VPS13C: variants seen among roughly 807,000 people sequenced by gnomAD.
VPS13C encodes vacuolar protein sorting 13 homolog C, also known as intermembrane lipid transfer protein VPS13C.
A neutral mutation model predicts 456.8 loss-of-function variants in VPS13C; 358 were observed. The observed-to-expected ratio is 0.78, with a 90% confidence interval of 0.72 to 0.86. The LOEUF (loss-of-function observed/expected upper bound fraction) is 0.86, where lower values mean the gene tolerates loss of function less well. VPS13C is among the 40% of genes least tolerant of loss of function. VPS13C has a pLI of 0.00. For missense variants in VPS13C, 4,818 were observed against 4,385.4 expected (o/e 1.10, Z -2.79); for synonymous variants, 1,578 against 1,486.7 (o/e 1.06, Z -1.41).
chr15:61,974,118 T>G (rs1037672539), intron 25 of VPS13C, among the ~76,000 whole-genome samples, 170 bp downstream of exon 25: 1 of 152,088 alleles, frequency 6.6e-6, no homozygotes, highest in African/African-American at 2.4e-5. Flanking sequence ...TTTTTGTTAG[T>G]TTTTTTCCCC....
In VPS13C at chr15:61,991,059, T is replaced by C; in HGVS notation, c.1519A>G (p.Lys507Glu). The C allele has an allele frequency of 1.9e-6, 3 of 1,612,630 alleles. No homozygotes were observed. Among genetic ancestry groups the C allele is most frequent in the Non-Finnish European group, 2.5e-6 (3 of 1,179,518 alleles). Reference sequence around the variant, plus strand: ...CTATAACCAATGGCAGTGAAGAGTTTATCTTTTTCCTCTGGAGTCATAAGG... The same window carrying C: ...CTATAACCAATGGCAGTGAAGAGTTCATCTTTTTCCTCTGGAGTCATAAGG... The part of the protein sequence containing the change: ...DDLMTPEEKD[K>E]LFTAIGYSES... The change falls in exon 18 of 85, where the codon AAA (lysine) becomes GAA (glutamate). Residue 507 changes from lysine to glutamate, a missense_variant. Physicochemically the swap from Lys to Glu is moderately conservative, Grantham distance 56. Around this residue, in one of 3 missense-constraint regions of VPS13C, gnomAD observed 4,552 missense variants for 4,130.6 expected, o/e 1.10. Transcript: ENST00000644861.
In VPS13C at chr15:61,974,584, A is replaced by G. The variant is rs978141; in HGVS notation, c.2409-167T>C. ...ACATTGTCAGGAAATGGGAAGTTCT[A>G]TGTTAGCTAAGTTTTCAGATAATTT... On this transcript the variant is annotated intron_variant, in intron 24 of 84. Transcript: ENST00000644861. Among the ~76,000 whole-genome samples the G allele has an allele frequency of 0.056, 8,581 of 152,254 alleles. 313 individuals are homozygous for G. Among genetic ancestry groups the G allele is most frequent in the Non-Finnish European group, 0.081 (5,488 of 67,986 alleles).
Position 61,867,321 on chromosome 15 carries a change from C to T in VPS13C, c.10863+1338G>A, listed in dbSNP as rs1894663746. 1.0e-6 allele frequency: 1 copy of T among 984,750 alleles called. No homozygotes were observed. Among genetic ancestry groups the T allele is most frequent in the Non-Finnish European group, 1.2e-6 (1 of 829,610 alleles). The allele number at this position is 984,750 out of a possible 1,614,324, so 61.0% of individuals were successfully genotyped here. ...GGCTATCATTTATTTAGCAACAGTA[C>T]CAAGGGGTTAAATAGGAAAAAGAGG... On this transcript the variant is annotated intron_variant, in intron 81 of 84. Coordinates refer to ENST00000644861, the MANE Select transcript of VPS13C (RefSeq NM_020821.3). This position sits in a 1 kb window ranked among gnomAD's most constrained non-coding sequence, Gnocchi z 5.0.
At chr15:61,968,779 T>C (rs1468156301) in intron 28 of VPS13C, among the ~76,000 whole-genome samples, 1 of 152,180 alleles carries the variant, frequency 6.6e-6, no homozygotes, top group African/African-American at 2.4e-5. Flanking sequence ...CTGGTGTTTC[T>C]TGTGGTATAT....
At chr15:61,921,040 A>G (rs1014151234) in intron 55 of VPS13C, among the ~76,000 whole-genome samples, 1 of 152,058 alleles carries the variant, frequency 6.6e-6, no homozygotes, top group African/African-American at 2.4e-5. Flanking sequence ...CTCTCCTTCT[A>G]TTTTTTAAAC....
chr15:61,940,014 T>C (rs998175778), intron 47 of VPS13C, among the ~76,000 whole-genome samples: 2 of 134,018 alleles, frequency 1.5e-5, no homozygotes, highest in Non-Finnish European at 3.5e-5. Context: ...AAAAAAGTTG[T>C]ATACTTATCA....
At chr15:61,880,805 T>G in intron 72 of VPS13C, 38 bp downstream of exon 72, 1 of 1,564,180 alleles carries the variant, frequency 6.4e-7, no homozygotes, top group Non-Finnish European at 8.6e-7. Flanking sequence ...TTAAATTTTG[T>G]TAATTTTATA....
intron 59 of VPS13C, 25 bp downstream of exon 59, chr15:61,918,111 T>G (rs1005499729): frequency 6.4e-7 from 1 of 1,558,176 alleles, no homozygotes; most frequent in Non-Finnish European, 8.6e-7. Context: ...ACATTTAAAG[T>G]TTAATACATT....
Position 61,958,635 on chromosome 15 carries a change from T to A in VPS13C, c.4138A>T (p.Lys1380Ter). Residue 1380 changes from lysine (K) to a stop codon, truncating the protein, a stop_gained, in exon 37 of 85, where the codon AAA becomes TAA. Coordinates refer to ENST00000644861, the MANE Select transcript of VPS13C (RefSeq NM_020821.3). LOFTEE classifies it high-confidence loss of function. ...GTCTCTTGTACTCTTGGTTTCACTT[T>A]ATCCAAGTCTTCAGTACCCTCACAG... ...NLCEGTEDLDKVKPRVQETGE... is the reference protein window; with the variant it reads ...NLCEGTEDLD The A allele has an allele frequency of 6.3e-7, 1 of 1,576,974 alleles. No individual in the cohort carries two copies. Among genetic ancestry groups the A allele is most frequent in the Non-Finnish European group, 8.6e-7 (1 of 1,165,446 alleles).
intron 66 of VPS13C, among the ~76,000 whole-genome samples, chr15:61,896,181 A>C (rs2042805083): frequency 6.6e-6 from 1 of 152,226 alleles, no homozygotes; most frequent in Admixed American, 6.5e-5. Context: ...AGAAAAGCCA[A>C]GGACCTGATG....
chr15:61,913,348 C>A lies in VPS13C; in HGVS notation c.8513G>T (p.Gly2838Val). Residue 2838 changes from glycine (G) to valine (V), a missense_variant, in exon 62 of 85, where the codon GGG becomes GTG. This residue lies in a region of VPS13C where 4,552 missense variants were observed against 4,130.6 expected (regional missense o/e 1.10). Transcript: ENST00000644861. ...SFSLDTVGSY[G>V]CVKCPANNME... ...ATTGTTGGCAGGACACTTCACACACCCATAACTTCCCACTGTATCCAATGA... is the reference window on the plus strand; with the variant it reads ...ATTGTTGGCAGGACACTTCACACACACATAACTTCCCACTGTATCCAATGA... The A allele has an allele frequency of 3.7e-6, 6 of 1,614,068 alleles. No homozygotes were observed. Among genetic ancestry groups the A allele is most frequent in the Non-Finnish European group, 5.1e-6 (6 of 1,179,966 alleles).
intron 47 of VPS13C, among the ~76,000 whole-genome samples, chr15:61,940,264 AAACTTT>A (rs1274430742): frequency 6.6e-6 from 1 of 152,180 alleles, no homozygotes; most frequent in Non-Finnish European, 1.5e-5. Context: ...AACTGCATTA[AAACTTT>A]AACAGAATTT....
chr15:61,934,195 T>A (rs748087907), intron 49 of VPS13C, 24 bp downstream of exon 49: 8 of 1,491,106 alleles, frequency 5.4e-6, no homozygotes, highest in Non-Finnish European at 7.3e-6. Context: ...GATTTATTTC[T>A]AATTACAGAA....
At chr15:61,861,700 A>T (rs914593236) in intron 82 of VPS13C, among the ~76,000 whole-genome samples, 1 of 152,228 alleles carries the variant, frequency 6.6e-6, no homozygotes, top group Non-Finnish European at 1.5e-5. Flanking sequence ...TGTTATTTTT[A>T]AGAATACTGA....
intron 83 of VPS13C, 130 bp from the exon 84 acceptor site, chr15:61,855,084 G>T: frequency 3.0e-6 from 2 of 673,436 alleles, no homozygotes; most frequent in Non-Finnish European, 4.9e-6. Flanking sequence ...ACATATTCAA[G>T]TAAGATATGA....
At chr15:62,010,779 A>G (rs1232586073) in intron 12 of VPS13C, among the ~76,000 whole-genome samples, 180 bp from the exon 13 acceptor site, 1 of 152,228 alleles carries the variant, frequency 6.6e-6, no homozygotes, top group Non-Finnish European at 1.5e-5. Context: ...GCATAATAAT[A>G]AGCTCGATGG....
chr15:61,944,995 G>C (rs36075763), intron 45 of VPS13C, among the ~76,000 whole-genome samples: 245 of 152,252 alleles, frequency 1.6e-3, no homozygotes, highest in Admixed American at 3.2e-3. Flanking sequence ...GAACTGGTAG[G>C]AGGTGACTGG....
chr15:62,044,048 A>G (rs1428488650), intron 2 of VPS13C, among the ~76,000 whole-genome samples, 164 bp downstream of exon 2: 1 of 152,198 alleles, frequency 6.6e-6, no homozygotes, highest in Non-Finnish European at 1.5e-5. Context: ...AAAAATTTCT[A>G]AATCTTTAAT....
chr15:62,043,250 T>C (rs146199522), intron 2 of VPS13C, among the ~76,000 whole-genome samples: 2 of 152,338 alleles, frequency 1.3e-5, no homozygotes, highest in East Asian at 1.9e-4. Context: ...AGAGATATTA[T>C]ATTGTTTTAT....
Sources: allele counts gnomAD v4.1 joint callset (sites outside exome capture counted in the v4.1 genomes callset), GRCh38; gene constraint gnomAD v4.1.1; regional missense constraint gnomAD v4.1.1; non-coding constraint Gnocchi (gnomAD v3.1); transcripts MANE v1.5; gene names NCBI Gene and HGNC (gene_info 2026-07-23, HGNC 2026-07-21).